The following PACS1 variants were observed in gnomAD, a reference collection of about 807,000 sequenced individuals.
PACS1 encodes the protein phosphofurin acidic cluster sorting protein 1, also known as PACS-1.
PACS1 carries 24 observed loss-of-function variants against 115.0 expected under a neutral mutation model. The observed-to-expected ratio is 0.21, with a 90% CI of 0.15 to 0.29. The LOEUF (loss-of-function observed/expected upper bound fraction) is 0.29, where lower values mean the gene tolerates loss of function less well. Ranked by LOEUF, PACS1 falls within the 10% of genes least tolerant of loss-of-function variation. The pLI is 1.00. For missense variants in PACS1, 838 were observed against 1,251.2 expected (o/e 0.67, Z 4.98); for synonymous variants, 453 against 504.5 (o/e 0.90, Z 1.37).
At chr11:66,218,978 A>C (rs574312818) in intron 7 of PACS1, among the ~76,000 whole-genome samples, 1 of 152,076 alleles carries the variant, frequency 6.6e-6, no homozygotes, top group African/African-American at 2.4e-5. Context: ...GGCTAGAAAC[A>C]GGCAGACCCA....
chr11:66,221,034 C>T, intron 9 of PACS1, 120 bp from the exon 10 acceptor site: 1 of 996,890 alleles, frequency 1.0e-6, no homozygotes, highest in Non-Finnish European at 1.6e-6. Flanking sequence ...TCCCTGCTCA[C>T]CGGGCGTTCT....
intron 1 of PACS1, among the ~76,000 whole-genome samples, chr11:66,180,231 C>T (rs913795131): frequency 6.6e-6 from 1 of 151,486 alleles, no homozygotes; most frequent in Admixed American, 6.6e-5. Context: ...AACTTTGTCT[C>T]AAAAAAACAA....
chr11:66,175,917 C>G (rs1222725997), intron 1 of PACS1, among the ~76,000 whole-genome samples: 1 of 152,112 alleles, frequency 6.6e-6, no homozygotes, highest in African/African-American at 2.4e-5. Flanking sequence ...TCCTTTTGAT[C>G]TCAGTGACCA....
chr11:66,182,847 T>C (rs1305144075), intron 1 of PACS1, among the ~76,000 whole-genome samples: 1 of 152,166 alleles, frequency 6.6e-6, no homozygotes, highest in African/African-American at 2.4e-5. Flanking sequence ...AAATAATGCC[T>C]TAAGCTGGGT....
At chr11:66,212,898 G>A (rs886723765) in intron 4 of PACS1, among the ~76,000 whole-genome samples, 1 of 152,172 alleles carries the variant, frequency 6.6e-6, no homozygotes, top group African/African-American at 2.4e-5. Context: ...CACCCAGGCT[G>A]GAGTGCGCTG....
chr11:66,158,261 G>T (rs1313959828), intron 1 of PACS1, among the ~76,000 whole-genome samples: 1 of 152,190 alleles, frequency 6.6e-6, no homozygotes, highest in Non-Finnish European at 1.5e-5. Flanking sequence ...GAGCCACTGT[G>T]CCCGGCCTGC....
intron 2 of PACS1, among the ~76,000 whole-genome samples, chr11:66,208,656 A>AT (rs1205406482): frequency 3.2e-4 from 37 of 114,168 alleles, no homozygotes; most frequent in African/African-American, 1.1e-3. Flanking sequence ...CTCTCTTTTT[A>AT]TTAAAAAAAA....
intron 4 of PACS1, among the ~76,000 whole-genome samples, chr11:66,213,607 G>A (rs1369003883): frequency 6.6e-6 from 1 of 152,252 alleles, no homozygotes; most frequent in South Asian, 2.1e-4. Context: ...GTCTACACAC[G>A]TCACAGCTCC....
At position 66,233,697 on chromosome 11, in the gene PACS1, T is replaced by G; in HGVS notation, c.1839-88T>G. 5 of 1,325,804 alleles carry G rather than the reference T, an allele frequency of 3.8e-6. No individual in the cohort carries two copies. The highest frequency in any genetic ancestry group is 5.2e-6 in the Non-Finnish European group (5 of 962,606). 82.1% of individuals were successfully genotyped at this position (1,325,804 alleles called of 1,614,324 possible). A position where few individuals can be genotyped will look rare whatever the true frequency, so the allele number is the denominator to read the frequency against. On this transcript the variant is annotated intron_variant, in intron 15 of 23. Coordinates refer to ENST00000320580, the MANE Select transcript of PACS1 (RefSeq NM_018026.4). This position sits in a 1 kb window ranked among gnomAD's most constrained non-coding sequence, Gnocchi z 4.5. ...GGTTTGCTTTTCCCCTGTGGGTTGT[T>G]GAGATCACAGAAAGTCAGCTCTGGG...
intron 1 of PACS1, among the ~76,000 whole-genome samples, chr11:66,092,769 T>C (rs1057032881): frequency 6.6e-6 from 1 of 152,154 alleles, no homozygotes; most frequent in Non-Finnish European, 1.5e-5. Flanking sequence ...GCACCATTTA[T>C]TAAATAGAGA....
intron 1 of PACS1, among the ~76,000 whole-genome samples, chr11:66,171,232 C>T (rs377633303): frequency 6.7e-6 from 1 of 150,252 alleles, no homozygotes; most frequent in East Asian, 1.9e-4. Flanking sequence ...CCTGATGATT[C>T]TCTCTCTAGT....
At chr11:66,161,450 C>A (rs988348758) in intron 1 of PACS1, among the ~76,000 whole-genome samples, 16 of 152,078 alleles carry the variant, frequency 1.1e-4, no homozygotes, top group African/African-American at 3.6e-4. Context: ...AAGAATCTAT[C>A]TCTAAAACGA....
intron 7 of PACS1, 127 bp from the exon 8 acceptor site, chr11:66,219,619 A>AC (rs1565152174): frequency 1.3e-6 from 1 of 787,888 alleles, no homozygotes; most frequent in African/African-American, 1.7e-5. Flanking sequence ...AAGGGCAGAG[A>AC]CCAAGTCCTC....
chr11:66,235,323 G>C lies in PACS1; in HGVS notation c.2127G>C (p.Arg709=). ...PVSEQLDVAG[R]VMQYVNGAAT... ...CAGAGCAACTGGACGTGGCAGGGCGGGTGATGCAGTACGTCAACGGGGCAG... is the reference window on the plus strand; with the variant it reads ...CAGAGCAACTGGACGTGGCAGGGCGCGTGATGCAGTACGTCAACGGGGCAG... Residue 709 remains arginine (R), a synonymous_variant, in exon 18 of 24, where the codon CGG becomes CGC. Coordinates refer to ENST00000320580, the MANE Select transcript of PACS1 (RefSeq NM_018026.4). This position sits in a 1 kb window ranked among gnomAD's most constrained non-coding sequence, Gnocchi z 5.6. 1.2e-6 allele frequency: 2 copies of C among 1,613,980 alleles called. No homozygotes were observed. Among genetic ancestry groups the C allele is most frequent in the Non-Finnish European group, 1.7e-6 (2 of 1,179,888 alleles).
intron 1 of PACS1, among the ~76,000 whole-genome samples, chr11:66,120,519 A>T (rs896934887): frequency 3.9e-5 from 6 of 152,180 alleles, no homozygotes; most frequent in African/African-American, 1.4e-4. Context: ...TAGAATCAAC[A>T]TTATTTGAAT....
At chr11:66,176,306 G>A (rs894338383) in intron 1 of PACS1, among the ~76,000 whole-genome samples, 32 of 152,038 alleles carry the variant, frequency 2.1e-4, no homozygotes, top group African/African-American at 6.8e-4. Context: ...AGTATTTAGC[G>A]CTCACTTATG....
chr11:66,164,596 A>ATATATAATACATATATATGTATTATATAT (rs1859559000), intron 1 of PACS1, among the ~76,000 whole-genome samples: 8 of 135,794 alleles, frequency 5.9e-5, no homozygotes, highest in African/African-American at 2.2e-4. Flanking sequence ...GTATTATATA[A>ATATATAATACATATATATGTATTATATAT]TATATAATAC....
At chr11:66,138,084 GTTTA>G (rs56348908) in intron 1 of PACS1, among the ~76,000 whole-genome samples, 4 of 149,284 alleles carry the variant, frequency 2.7e-5, no homozygotes, top group East Asian at 2.0e-4. Context: ...ATTTTGCCCC[GTTTA>G]TTTATTTATT....
intron 1 of PACS1, among the ~76,000 whole-genome samples, chr11:66,097,851 T>C (rs1434345328): frequency 1.3e-5 from 2 of 152,180 alleles, no homozygotes; most frequent in African/African-American, 4.8e-5. Flanking sequence ...ATACCTTCTT[T>C]TGCGAAGTAT....
Sources: allele counts gnomAD v4.1 joint callset (sites outside exome capture counted in the v4.1 genomes callset), GRCh38; gene constraint gnomAD v4.1.1; non-coding constraint Gnocchi (gnomAD v3.1); transcripts MANE v1.5; gene names NCBI Gene and HGNC (gene_info 2026-07-23, HGNC 2026-07-21).